Variants in RGPD2 observed in about 807,000 individuals in gnomAD.
The protein encoded by RGPD2 is RANBP2-like and GRIP domain-containing protein 2.
Under a neutral mutation model 36.0 loss-of-function variants are expected in RGPD2, and 2 were observed. That is an observed-to-expected ratio of 0.06 (90% CI 0.02 to 0.17). The LOEUF (loss-of-function observed/expected upper bound fraction) is 0.17, where lower values mean the gene tolerates loss of function less well. RGPD2 is among the 10% of genes least tolerant of loss of function. RGPD2 has a pLI of 1.00. For synonymous variants in RGPD2, 19 were observed against 163.8 expected (o/e 0.12, Z 6.75); for missense variants, 40 against 464.3 (o/e 0.09, Z 8.40).
the RGPD2 span, among the ~76,000 whole-genome samples, chr2:87,970,111 CT>C: frequency 1.3e-5 from 2 of 150,592 alleles, no homozygotes; most frequent in African/African-American, 2.5e-5. Context: ...TTTTTTCTTC[CT>C]TTTTTTTCTG....
the RGPD2 span, among the ~76,000 whole-genome samples, chr2:87,905,500 A>G: frequency 6.6e-6 from 1 of 151,774 alleles, no homozygotes; most frequent in Non-Finnish European, 1.5e-5. Context: ...TTAAGAAAAA[A>G]ATCAATTGAG....
chr2:87,882,345 T>C, the RGPD2 span, among the ~76,000 whole-genome samples: 1 of 152,282 alleles, frequency 6.6e-6, no homozygotes, highest in Non-Finnish European at 1.5e-5. Context: ...ACAGCATTTA[T>C]TGTAGAGATT....
chr2:87,845,756 G>C, the RGPD2 span, among the ~76,000 whole-genome samples: 1 of 151,938 alleles, frequency 6.6e-6, no homozygotes, highest in Non-Finnish European at 1.5e-5. Context: ...AATGAAACTA[G>C]TGCTATATTT....
chr2:87,927,752 A>G, the RGPD2 span, among the ~76,000 whole-genome samples: 2 of 151,570 alleles, frequency 1.3e-5, no homozygotes, highest in African/African-American at 2.4e-5. Context: ...TAAAAGGGTC[A>G]TTTATATCAA....
chr2:87,922,875 C>G, the RGPD2 span, among the ~76,000 whole-genome samples: 1 of 152,092 alleles, frequency 6.6e-6, no homozygotes, highest in Admixed American at 6.6e-5. Flanking sequence ...GAATCTGATC[C>G]CAATGCATCT....
chr2:87,929,361 C>A, the RGPD2 span, among the ~76,000 whole-genome samples: 1 of 150,840 alleles, frequency 6.6e-6, no homozygotes, highest in Non-Finnish European at 1.5e-5. Context: ...GTTCTCTATT[C>A]TGTTCCTTTG....
At chr2:87,963,961 G>A in the RGPD2 span, among the ~76,000 whole-genome samples, 10 of 146,060 alleles carry the variant, frequency 6.8e-5, no homozygotes, top group Middle Eastern at 3.2e-3. Flanking sequence ...TCAGCCTCCC[G>A]AGTAGCTGGG....
chr2:87,964,642 A>C, the RGPD2 span, among the ~76,000 whole-genome samples: 2 of 150,452 alleles, frequency 1.3e-5, no homozygotes, highest in East Asian at 2.0e-4. Context: ...GGTCTCACTA[A>C]TGCAGACTTC....
chr2:87,961,712 A>T, the RGPD2 span, among the ~76,000 whole-genome samples: 3 of 133,422 alleles, frequency 2.2e-5, no homozygotes, highest in African/African-American at 8.7e-5. Flanking sequence ...AAAAAAAAAA[A>T]AAGCGCATTC....
the RGPD2 span, among the ~76,000 whole-genome samples, chr2:87,915,370 T>C: frequency 7.9e-6 from 1 of 126,400 alleles, no homozygotes; most frequent in Non-Finnish European, 1.7e-5. Context: ...TATATATATG[T>C]ATATTATATA....
chr2:87,818,020 TA>T (rs1175812254), intron 2 of RGPD2, among the ~76,000 whole-genome samples: 1,406 of 65,360 alleles, frequency 0.022, 2 homozygotes, highest in African/African-American at 0.057. Context: ...AGATACTGAC[TA>T]AAAAAAAAAA....
At chr2:87,929,392 A>G in the RGPD2 span, among the ~76,000 whole-genome samples, 1 of 149,940 alleles carries the variant, frequency 6.7e-6, no homozygotes, top group Admixed American at 6.7e-5. Context: ...CTGTTTTTGT[A>G]CAAGTATTGT....
chr2:87,769,567 C>T (rs1446798647), intron 22 of RGPD2, among the ~76,000 whole-genome samples: 1 of 151,046 alleles, frequency 6.6e-6, no homozygotes, highest in African/African-American at 2.4e-5. Flanking sequence ...TCAATGGACC[C>T]TTAACTTATA....
the RGPD2 span, among the ~76,000 whole-genome samples, chr2:87,886,514 G>C: frequency 6.6e-6 from 1 of 151,872 alleles, no homozygotes; most frequent in African/African-American, 2.4e-5. Context: ...AATTTCAGTT[G>C]AATGAATAAA....
the RGPD2 span, among the ~76,000 whole-genome samples, chr2:87,927,569 T>A: frequency 3.9e-4 from 59 of 151,658 alleles, no homozygotes; most frequent in Non-Finnish European, 4.4e-5. Context: ...ACATTTTTTT[T>A]ATTCAGAATC....
At chr2:87,846,369 T>C in the RGPD2 span, among the ~76,000 whole-genome samples, 1 of 152,084 alleles carries the variant, frequency 6.6e-6, no homozygotes, top group Non-Finnish European at 1.5e-5. Flanking sequence ...ACAGTGTGGT[T>C]ACTAAAATAT....
At chr2:87,913,159 A>G in the RGPD2 span, among the ~76,000 whole-genome samples, 1 of 152,126 alleles carries the variant, frequency 6.6e-6, no homozygotes, top group Non-Finnish European at 1.5e-5. Context: ...TCCAACAGTG[A>G]TAGACTGGAT....
At chr2:87,932,744 G>C in the RGPD2 span, among the ~76,000 whole-genome samples, 1 of 151,946 alleles carries the variant, frequency 6.6e-6, no homozygotes. Context: ...TTCTGGGTTG[G>C]AGATTCTTTC....
At chr2:87,916,731 C>T in the RGPD2 span, among the ~76,000 whole-genome samples, 1 of 151,362 alleles carries the variant, frequency 6.6e-6, no homozygotes, top group African/African-American at 2.4e-5. Context: ...TTGAGGCCTC[C>T]CCAGAATCAG....
Sources: gnomAD v4.1 joint callset for allele counts (sites outside exome capture counted in the v4.1 genomes callset) on GRCh38, gnomAD v4.1.1 for gene constraint, MANE v1.5 for transcripts, NCBI Gene and HGNC (gene_info 2026-07-23, HGNC 2026-07-21) for gene names.